ADGB: variants seen among roughly 807,000 people sequenced by gnomAD.
The protein encoded by ADGB is calpain-7-like protein.
ADGB carries 172 observed loss-of-function variants against 210.5 expected under a neutral mutation model. That is an observed-to-expected ratio of 0.82 (90% CI 0.72 to 0.93). ADGB has a LOEUF of 0.93. Ranked by LOEUF, ADGB falls within the 40% of genes least tolerant of loss-of-function variation. ADGB has a pLI of 0.00. For missense variants in ADGB, 2,025 were observed against 1,964.8 expected (o/e 1.03, Z -0.58); for synonymous variants, 658 against 662.7 (o/e 0.99, Z 0.11).
At position 146,752,691 on chromosome 6, in the gene ADGB, G is replaced by A; in HGVS notation, c.3527G>A (p.Ser1176Asn). ...ATCCCAGCATTTCACTTCTTGAAGA[G>A]TGAGAAAGGTTTGAGCTCCCAGTGT... The part of the protein sequence containing the change: ...AIIPAFHFLK[S>N]EKGLSSQSSK... The change falls in exon 27 of 36, where the codon AGT becomes AAT. Residue 1176 changes from serine to asparagine, a missense_variant. Ser to Asn is a conservative substitution (Grantham distance 46). Coordinates refer to ENST00000397944, the MANE Select transcript of ADGB (RefSeq NM_024694.4). The A allele has an allele frequency of 6.5e-7, 1 of 1,550,244 alleles. No homozygotes were observed. The highest frequency in any genetic ancestry group is 1.2e-5 in the South Asian group (1 of 83,888).
At chr6:146,784,543 T>C in intron 30 of ADGB, 75 bp from the exon 31 acceptor site, 3 of 1,126,152 alleles carry the variant, frequency 2.7e-6, no homozygotes, top group East Asian at 5.5e-5. Context: ...AGTGAAATTA[T>C]GTATCATATG....
At chr6:146,599,861 G>A (rs1583553636) in intron 1 of ADGB, among the ~76,000 whole-genome samples, 1 of 152,254 alleles carries the variant, frequency 6.6e-6, no homozygotes, top group East Asian at 1.9e-4. Context: ...TTCCCACTGT[G>A]AGAGAATCCC....
chr6:146,805,136 C>T (rs1778193552), intron 35 of ADGB, among the ~76,000 whole-genome samples: 1 of 152,174 alleles, frequency 6.6e-6, no homozygotes, highest in South Asian at 2.1e-4. Flanking sequence ...TCCATAGAGA[C>T]ACCTCTACCA....
At chr6:146,734,684 C>A (rs922327221) in intron 22 of ADGB, among the ~76,000 whole-genome samples, 1 of 152,106 alleles carries the variant, frequency 6.6e-6, no homozygotes, top group Admixed American at 6.6e-5. Context: ...CTGAGGGGGG[C>A]AGATTGCTTG....
chr6:146,761,225 G>A (rs1015652188), intron 27 of ADGB, among the ~76,000 whole-genome samples: 2 of 151,862 alleles, frequency 1.3e-5, no homozygotes, highest in African/African-American at 4.8e-5. Flanking sequence ...ATCTTAGCAT[G>A]CATGTTTATT....
At chr6:146,608,167 AT>A (rs1470605120) in intron 1 of ADGB, among the ~76,000 whole-genome samples, 10 of 151,070 alleles carry the variant, frequency 6.6e-5, no homozygotes, top group Non-Finnish European at 1.2e-4. Context: ...TTCTTCTAGG[AT>A]TTTTAGTTTG....
chr6:146,777,384 C>G (rs1777735358), intron 29 of ADGB, among the ~76,000 whole-genome samples: 1 of 151,824 alleles, frequency 6.6e-6, no homozygotes, highest in East Asian at 1.9e-4. Flanking sequence ...AATATTTTCC[C>G]CTCACCACTT....
chr6:146,763,698 T>C lies in ADGB; in HGVS notation c.3551-203T>C, dbSNP rs528773309. 2.0e-5 allele frequency among the ~76,000 whole-genome samples: 3 copies of C among 152,322 alleles called. 1 individual carries two copies. In the South Asian group the frequency reaches 6.2e-4, roughly 32 times the overall value. ...TTTAGAAATAAGTGGTTACTCAGAA[T>C]ATACATTGCTCTGTGCATGTCACAT... On this transcript the variant is annotated intron_variant, in intron 27 of 35. Transcript: ENST00000397944.
At chr6:146,799,154 CA>C (rs1373948521) in intron 33 of ADGB, among the ~76,000 whole-genome samples, 1 of 148,406 alleles carries the variant, frequency 6.7e-6, no homozygotes, top group Non-Finnish European at 1.5e-5. Context: ...AAAGACTCTA[CA>C]AAAAAACCTA....
At chr6:146,667,557 T>G (rs548751880) in intron 7 of ADGB, among the ~76,000 whole-genome samples, 4 of 152,104 alleles carry the variant, frequency 2.6e-5, no homozygotes, top group African/African-American at 9.6e-5. Context: ...TATTTTGGGG[T>G]GGCATGTGCA....
chr6:146,635,221 A>G (rs1775400301), intron 1 of ADGB, among the ~76,000 whole-genome samples, 154 bp from the exon 2 acceptor site: 2 of 152,090 alleles, frequency 1.3e-5, no homozygotes. Flanking sequence ...GAAACTTAAC[A>G]TGTAGAAGTT....
At chr6:146,610,066 G>A (rs866747245) in intron 1 of ADGB, among the ~76,000 whole-genome samples, 9 of 152,040 alleles carry the variant, frequency 5.9e-5, no homozygotes, top group East Asian at 1.9e-4. Context: ...TATTGAGATC[G>A]GGGAAATTTT....
At chr6:146,686,179 C>A (rs1368563169) in intron 10 of ADGB, among the ~76,000 whole-genome samples, 2 of 151,878 alleles carry the variant, frequency 1.3e-5, no homozygotes, top group Non-Finnish European at 2.9e-5. Context: ...AATTAATGAC[C>A]TTCCCATAAA....
At chr6:146,791,464 C>T (rs1391097769) in intron 33 of ADGB, among the ~76,000 whole-genome samples, 1 of 151,856 alleles carries the variant, frequency 6.6e-6, no homozygotes, top group South Asian at 2.1e-4. Context: ...CCACCTCAGT[C>T]TCCTGAGTAG....
intron 35 of ADGB, among the ~76,000 whole-genome samples, chr6:146,805,676 C>G (rs1778201518): frequency 1.3e-5 from 2 of 152,152 alleles, no homozygotes; most frequent in Non-Finnish European, 2.9e-5. Context: ...CCTCACTCCT[C>G]TCTCTTCCTG....
At chr6:146,813,651 G>T (rs1778336393) in intron 35 of ADGB, among the ~76,000 whole-genome samples, 1 of 152,124 alleles carries the variant, frequency 6.6e-6, no homozygotes, top group Non-Finnish European at 1.5e-5. Flanking sequence ...TTTAATTAAT[G>T]AATCAGTAAA....
chr6:146,717,599 GGTAA>G lies in ADGB; in HGVS notation c.1992+4_1992+7del, dbSNP rs1229199998. ...TTAACTTTCAAAAATCAGAATTTAA[GGTAA>G]GTATGTTAGAATCTTTTCTATTCTC... On this transcript the variant is annotated splice_donor_variant and splice_donor_region_variant and intron_variant, in intron 16 of 35. Coordinates refer to ENST00000397944, the MANE Select transcript of ADGB (RefSeq NM_024694.4). LOFTEE classifies it high-confidence loss of function. 2.1e-6 allele frequency: 3 copies of G among 1,397,126 alleles called. No homozygotes were observed. Among genetic ancestry groups the G allele is most frequent in the African/African-American group, 2.9e-5 (2 of 68,478 alleles). 86.5% of individuals were successfully genotyped at this position (1,397,126 alleles called of 1,614,324 possible).
At chr6:146,813,038 A>T (rs1458655945) in intron 35 of ADGB, among the ~76,000 whole-genome samples, 1 of 152,150 alleles carries the variant, frequency 6.6e-6, no homozygotes, top group East Asian at 1.9e-4. Flanking sequence ...AGTTGTAATC[A>T]TCAAAATATG....
In ADGB at chr6:146,666,869, T is replaced by A. The variant is rs1389661488; in HGVS notation, c.806T>A (p.Leu269His). 1.3e-5 allele frequency: 20 copies of A among 1,547,128 alleles called. No homozygotes were observed. Among genetic ancestry groups the A allele is most frequent in the Admixed American group, 5.9e-5 (3 of 50,872 alleles). Reference protein sequence around the residue: ...ELGEFTVIHALTGWLPEVISL... With the variant: ...ELGEFTVIHAHTGWLPEVISL... ...GGGGAGTTCACGGTTATTCATGCGC[T>A]CACAGGATGGTTACCAGAAGTCATT... The change falls in exon 7 of 36, where the codon CTC becomes CAC. Residue 269 changes from leucine to histidine, a missense_variant. Leu to His is a moderately conservative substitution (Grantham distance 99). Coordinates refer to ENST00000397944, the MANE Select transcript of ADGB (RefSeq NM_024694.4).
Sources: gnomAD v4.1 joint callset for allele counts (sites outside exome capture counted in the v4.1 genomes callset) on GRCh38, gnomAD v4.1.1 for gene constraint, MANE v1.5 for transcripts, NCBI Gene and HGNC (gene_info 2026-07-23, HGNC 2026-07-21) for gene names.